Variants in SEMA3C observed in about 807,000 individuals in gnomAD.
The protein encoded by SEMA3C is semaphorin 3C, also known as semaphorin-3C.
SEMA3C carries 47 observed loss-of-function variants against 89.4 expected under a neutral mutation model. The ratio of observed to expected loss-of-function variants is 0.53; its 90% CI spans 0.42 to 0.67. SEMA3C has a LOEUF of 0.67. SEMA3C is among the 30% of genes least tolerant of loss of function. The probability of loss-of-function intolerance (pLI) is 0.00; values close to 1 mark genes in which losing one functional copy is unlikely to be tolerated. For missense variants in SEMA3C, 839 were observed against 929.1 expected (o/e 0.90, Z 1.26); for synonymous variants, 310 against 320.2 (o/e 0.97, Z 0.34).
intron 2 of SEMA3C, among the ~76,000 whole-genome samples, chr7:80,902,504 T>C (rs1791905970): frequency 6.6e-6 from 1 of 152,170 alleles, no homozygotes; most frequent in Non-Finnish European, 1.5e-5. Context: ...TAATCTCTCA[T>C]ATAGCTAAAG....
chr7:80,803,505 A>C (rs144904627), intron 8 of SEMA3C, among the ~76,000 whole-genome samples: 438 of 152,314 alleles, frequency 2.9e-3, no homozygotes, highest in Non-Finnish European at 4.2e-3. Context: ...AAAGGATGCT[A>C]ATCATAAATA....
At chr7:80,794,372 T>C (rs1339733952) in intron 11 of SEMA3C, among the ~76,000 whole-genome samples, 1 of 152,152 alleles carries the variant, frequency 6.6e-6, no homozygotes, top group Non-Finnish European at 1.5e-5. Context: ...TGAATAATGA[T>C]GTGAGACGAT....
chr7:80,745,316 G>A lies in SEMA3C; in HGVS notation c.1843-9C>T, dbSNP rs1249619280. On this transcript the variant is annotated splice_polypyrimidine_tract_variant and intron_variant, in intron 17 of 17. Coordinates refer to ENST00000265361, the MANE Select transcript of SEMA3C (RefSeq NM_006379.5). ...CGTTCATTCAGCTTAACCTAAAAGA[G>A]AGACAAATTAAAGTTACTGAAACTG... 6.8e-6 allele frequency: 11 copies of A among 1,609,736 alleles called. No individual in the cohort carries two copies. The highest frequency in any genetic ancestry group is 9.3e-6 in the Non-Finnish European group (11 of 1,178,708).
intron 2 of SEMA3C, among the ~76,000 whole-genome samples, chr7:80,892,013 C>A (rs1791627288): frequency 6.6e-6 from 1 of 152,060 alleles, no homozygotes; most frequent in Non-Finnish European, 1.5e-5. Context: ...CCCAAAAAAT[C>A]TGAAACAGTA....
At chr7:80,750,204 T>G (rs1583840359) in intron 16 of SEMA3C, among the ~76,000 whole-genome samples, 1 of 151,882 alleles carries the variant, frequency 6.6e-6, no homozygotes, top group East Asian at 1.9e-4. Flanking sequence ...GAAATACTTT[T>G]ACTTGGTGGG....
At chr7:80,807,735 T>C (rs893448008) in intron 6 of SEMA3C, among the ~76,000 whole-genome samples, 22 of 152,268 alleles carry the variant, frequency 1.4e-4, no homozygotes, top group African/African-American at 5.3e-4. Flanking sequence ...ATCATGAAAT[T>C]TGGAATTCTA....
At chr7:80,881,830 A>C (rs1172898149) in intron 2 of SEMA3C, among the ~76,000 whole-genome samples, 1 of 152,138 alleles carries the variant, frequency 6.6e-6, no homozygotes, top group Non-Finnish European at 1.5e-5. Context: ...AGCCACATAA[A>C]ATTTGTTGTG....
chr7:80,858,725 T>C (rs975484340), intron 2 of SEMA3C, among the ~76,000 whole-genome samples: 2 of 152,198 alleles, frequency 1.3e-5, no homozygotes, highest in African/African-American at 4.8e-5. Context: ...GTTGAGTCAT[T>C]CAAAATGCAT....
At chr7:80,891,535 A>G (rs1791613834) in intron 2 of SEMA3C, among the ~76,000 whole-genome samples, 1 of 152,106 alleles carries the variant, frequency 6.6e-6, no homozygotes, top group Non-Finnish European at 1.5e-5. Flanking sequence ...CAAAAAAAAA[A>G]GTAAGGAAAA....
chr7:80,743,350 T>C lies in SEMA3C; in HGVS notation c.*1544A>G, dbSNP rs1787725022. On this transcript the variant is annotated 3_prime_UTR_variant, in exon 18 of 18. Transcript: ENST00000265361. ...ATTCTGATATTCTGATTAATAATCA[T>C]ATTAATTTTGACAATGATTTTAGTT... is the stretch of plus-strand genomic sequence containing the variant. 1 of 151,826 alleles carries C rather than the reference T, an allele frequency of 6.6e-6. No individual in the cohort carries two copies. Among genetic ancestry groups the C allele is most frequent in the Non-Finnish European group, 1.5e-5 (1 of 67,800 alleles). 9.4% of individuals were successfully genotyped at this position (151,826 alleles called of 1,614,324 possible).
chr7:80,834,245 T>C (rs1562897304), intron 2 of SEMA3C, among the ~76,000 whole-genome samples: 1 of 152,148 alleles, frequency 6.6e-6, no homozygotes. Context: ...TACATTATTG[T>C]AGAGCTCCAT....
At chr7:80,909,367 T>C (rs1792091379) in intron 2 of SEMA3C, among the ~76,000 whole-genome samples, 1 of 152,184 alleles carries the variant, frequency 6.6e-6, no homozygotes, top group Admixed American at 6.5e-5. Flanking sequence ...CTAGAGACTT[T>C]ACATTAGCCA....
intron 10 of SEMA3C, among the ~76,000 whole-genome samples, chr7:80,800,316 C>A (rs770721573): frequency 2.9e-4 from 44 of 152,136 alleles, no homozygotes; most frequent in Middle Eastern, 3.4e-3. Flanking sequence ...ATACTGTACA[C>A]AATTAATTAA....
chr7:80,754,958 T>TTTTTTTTTTG (rs1562859787), intron 15 of SEMA3C, among the ~76,000 whole-genome samples: 16 of 98,292 alleles, frequency 1.6e-4, no homozygotes, highest in Admixed American at 4.4e-4. Flanking sequence ...TTTTTTTTTG[T>TTTTTTTTTTG]TTTTTTTTTT....
At chr7:80,913,184 T>C (rs930211335) in intron 2 of SEMA3C, among the ~76,000 whole-genome samples, 2 of 152,150 alleles carry the variant, frequency 1.3e-5, no homozygotes, top group Admixed American at 1.3e-4. Flanking sequence ...GCGGATCACC[T>C]GAAGTCAGGA....
intron 17 of SEMA3C, 37 bp from the exon 18 acceptor site, chr7:80,745,344 C>A (rs371789008): frequency 6.4e-7 from 1 of 1,568,628 alleles, no homozygotes; most frequent in Admixed American, 1.7e-5. Context: ...TGAAACTGAA[C>A]ATTATATTTC....
chr7:80,807,795 T>A (rs1190521911), intron 6 of SEMA3C, among the ~76,000 whole-genome samples: 1 of 152,204 alleles, frequency 6.6e-6, no homozygotes, highest in African/African-American at 2.4e-5. Flanking sequence ...TTAAGCAATC[T>A]GTGCTTTTAT....
chr7:80,842,444 A>G (rs1326109368), intron 2 of SEMA3C, among the ~76,000 whole-genome samples: 3 of 152,116 alleles, frequency 2.0e-5, no homozygotes, highest in Non-Finnish European at 4.4e-5. Context: ...TATGAGACTC[A>G]AAGTTTATTT....
At chr7:80,799,247 T>A (rs1479946035) in intron 10 of SEMA3C, among the ~76,000 whole-genome samples, 1 of 152,152 alleles carries the variant, frequency 6.6e-6, no homozygotes, top group African/African-American at 2.4e-5. Context: ...TTTCTTTGAA[T>A]AGCTCATTGC....
Sources: gnomAD v4.1 joint callset for allele counts (sites outside exome capture counted in the v4.1 genomes callset) on GRCh38, gnomAD v4.1.1 for gene constraint, MANE v1.5 for transcripts, NCBI Gene and HGNC (gene_info 2026-07-23, HGNC 2026-07-21) for gene names.